Variants in SGCZ observed in about 807,000 individuals in gnomAD.
The protein encoded by SGCZ is sarcoglycan zeta, also known as zeta-sarcoglycan.
SGCZ carries 40 observed loss-of-function variants against 41.3 expected under a neutral mutation model. That is an observed-to-expected ratio of 0.97 (90% CI 0.75 to 1.26). The LOEUF (loss-of-function observed/expected upper bound fraction) is 1.26, where lower values mean the gene tolerates loss of function less well. SGCZ is among the 50% of genes most tolerant of loss of function. The pLI is 0.00. For synonymous variants in SGCZ, 206 were observed against 137.5 expected (o/e 1.50, Z -3.49); for missense variants, 552 against 369.8 (o/e 1.49, Z -4.04).
chr8:14,098,431 T>A (rs1264601623), intron 7 of SGCZ, among the ~76,000 whole-genome samples: 2 of 152,164 alleles, frequency 1.3e-5, no homozygotes, highest in African/African-American at 4.8e-5. Flanking sequence ...TGTGATACAC[T>A]TGTGGCTCTC....
In SGCZ at chr8:14,893,416, A is replaced by G. The variant is rs1322737148; in HGVS notation, c.40-338490T>C. Among the ~76,000 whole-genome samples, 10 of 152,288 alleles carry G rather than the reference A, an allele frequency of 6.6e-5. No homozygotes were observed. The East Asian group carries it at 7.7e-4, about 12-fold the overall frequency. ...GGCCTATAAAATGATAAGGTAATAA[A>G]TATAAGGTGTTTTAAGTCAATAACT... On this transcript the variant is annotated intron_variant, in intron 1 of 7. Coordinates refer to ENST00000382080, the MANE Select transcript of SGCZ (RefSeq NM_139167.4).
At chr8:14,237,701 A>C (rs1007595988) in intron 3 of SGCZ, 22 bp from the exon 4 acceptor site, 36 of 1,585,658 alleles carry the variant, frequency 2.3e-5, no homozygotes, top group Middle Eastern at 1.7e-4. Context: ...GTATAAAATA[A>C]ATAAATAGAA....
chr8:14,458,461 G>T (rs1271546793), intron 2 of SGCZ, among the ~76,000 whole-genome samples: 2 of 152,254 alleles, frequency 1.3e-5, no homozygotes, highest in African/African-American at 4.8e-5. Context: ...TCAAATAAGT[G>T]AATGTATTAC....
At chr8:14,123,962 A>G (rs1802776210) in intron 5 of SGCZ, among the ~76,000 whole-genome samples, 1 of 152,146 alleles carries the variant, frequency 6.6e-6, no homozygotes, top group Admixed American at 6.5e-5. Context: ...CAGTTGGCTA[A>G]TGTTGTTAAC....
chr8:14,471,365 C>T (rs1398733618), intron 2 of SGCZ, among the ~76,000 whole-genome samples: 3 of 152,086 alleles, frequency 2.0e-5, no homozygotes, highest in Admixed American at 6.6e-5. Context: ...TACTATTGTA[C>T]TAAAGATGCT....
At chr8:14,844,868 G>A (rs78319879) in intron 1 of SGCZ, among the ~76,000 whole-genome samples, 4,333 of 152,174 alleles carry the variant, frequency 0.028, 198 homozygotes, top group African/African-American at 0.098. Context: ...AACATACAAT[G>A]CAAGCCTTAC....
At chr8:14,839,354 G>A (rs1161784443) in intron 1 of SGCZ, among the ~76,000 whole-genome samples, 1 of 152,100 alleles carries the variant, frequency 6.6e-6, no homozygotes, top group Non-Finnish European at 1.5e-5. Flanking sequence ...GACCCATTGT[G>A]TGGGCATACA....
chr8:15,138,808 G>C (rs1361964985), intron 1 of SGCZ, among the ~76,000 whole-genome samples: 2 of 152,128 alleles, frequency 1.3e-5, no homozygotes, highest in Non-Finnish European at 2.9e-5. Context: ...AGACAGCTAA[G>C]ATAAAAATGT....
chr8:14,115,117 T>TA (rs1431067380), intron 5 of SGCZ, among the ~76,000 whole-genome samples: 4 of 151,978 alleles, frequency 2.6e-5, no homozygotes, highest in Non-Finnish European at 5.9e-5. Context: ...ACTCTTGAGA[T>TA]ATATATTCTC....
intron 5 of SGCZ, among the ~76,000 whole-genome samples, chr8:14,130,217 T>G (rs1802995669): frequency 6.6e-6 from 1 of 152,032 alleles, no homozygotes; most frequent in Admixed American, 6.6e-5. Context: ...AGTCTATTCA[T>G]GTATATAAAC....
In SGCZ at chr8:14,324,160, A is replaced by G. The variant is rs775441361; in HGVS notation, c.279T>C (p.Leu93=). ...GAAGTAGAAACTCAGATATACCTTC[A>G]AGTCGGATTCCCTTCTTGGTGACTC... ...NLRVTKKGIR[L]EGISEFLLPL... Residue 93 remains leucine, a synonymous_variant, in exon 3 of 8, where the codon CTT becomes CTC. Coordinates refer to ENST00000382080, the MANE Select transcript of SGCZ (RefSeq NM_139167.4). 2 of 1,613,148 alleles carry G rather than the reference A, an allele frequency of 1.2e-6. No homozygotes were observed. The highest frequency in any genetic ancestry group is 2.2e-5 in the South Asian group (2 of 91,054).
intron 2 of SGCZ, among the ~76,000 whole-genome samples, chr8:14,478,689 G>C (rs1563355844): frequency 6.6e-6 from 1 of 152,142 alleles, no homozygotes; most frequent in Non-Finnish European, 1.5e-5. Context: ...ATTTGTTTCA[G>C]CTTAAATTCA....
chr8:15,047,797 C>A (rs564937852), intron 1 of SGCZ, among the ~76,000 whole-genome samples: 8 of 151,688 alleles, frequency 5.3e-5, no homozygotes, highest in Non-Finnish European at 7.4e-5. Flanking sequence ...ATCATCGTAC[C>A]GCAGTTAAAG....
At chr8:14,374,752 GAGA>G (rs963992548) in intron 2 of SGCZ, among the ~76,000 whole-genome samples, 15 of 152,120 alleles carry the variant, frequency 9.9e-5, no homozygotes, top group Non-Finnish European at 1.8e-4. Context: ...TTGGAAACGA[GAGA>G]AGGATAAGGC....
intron 2 of SGCZ, among the ~76,000 whole-genome samples, chr8:14,376,310 C>CA (rs1476847035): frequency 6.7e-6 from 1 of 149,894 alleles, no homozygotes; most frequent in African/African-American, 2.5e-5. Context: ...GACTCAATCT[C>CA]AAAAAAATAA....
At chr8:14,893,246 G>A (rs73666917) in intron 1 of SGCZ, among the ~76,000 whole-genome samples, 3,558 of 152,096 alleles carry the variant, frequency 0.023, 141 homozygotes, top group African/African-American at 0.082. Flanking sequence ...TAAAGATGGA[G>A]GAAGGAGGCT....
intron 1 of SGCZ, among the ~76,000 whole-genome samples, chr8:15,187,752 A>G (rs1442583065): frequency 1.3e-5 from 2 of 152,054 alleles, no homozygotes; most frequent in Non-Finnish European, 2.9e-5. Flanking sequence ...GTTTTTTAAA[A>G]AATAAGCTCT....
rs1222393119 is a variant in SGCZ, at chr8:14,146,892, ATAAT to A, written c.547+17684_547+17687del. On this transcript the variant is annotated intron_variant, in intron 5 of 7. Coordinates refer to ENST00000382080, the MANE Select transcript of SGCZ (RefSeq NM_139167.4). ...GTCTCAAAAAATAAAAATAAAAAAA[ATAAT>A]AATAATAATAACTACAGCAACTTTT... 3.5e-5 allele frequency among the ~76,000 whole-genome samples: 5 copies of A among 141,318 alleles called. 1 individual carries two copies. Among genetic ancestry groups the A allele is most frequent in the African/African-American group, 1.4e-4 (5 of 36,598 alleles). 92.7% of individuals were successfully genotyped at this position (141,318 alleles called of 152,430 possible).
chr8:14,506,783 T>G (rs12386790), intron 2 of SGCZ, among the ~76,000 whole-genome samples: 10,847 of 152,214 alleles, frequency 0.071, 597 homozygotes, highest in African/African-American at 0.15. Context: ...ACTTGACATA[T>G]GTGCATCTCT....
Sources: allele counts gnomAD v4.1 joint callset (sites outside exome capture counted in the v4.1 genomes callset), GRCh38; gene constraint gnomAD v4.1.1; transcripts MANE v1.5; gene names NCBI Gene and HGNC (gene_info 2026-07-23, HGNC 2026-07-21).